The following OLFML2A variants were observed in gnomAD, a reference collection of about 807,000 sequenced individuals.
The protein encoded by OLFML2A is olfactomedin-like protein 2A.
A neutral mutation model predicts 60.9 loss-of-function variants in OLFML2A; 47 were observed. The ratio of observed to expected loss-of-function variants is 0.77; its 90% confidence interval spans 0.61 to 0.98. OLFML2A has a LOEUF of 0.98. OLFML2A is among the 50% of genes least tolerant of loss of function. The pLI, the probability that OLFML2A is intolerant of heterozygous loss-of-function variation, is 0.00. For synonymous variants in OLFML2A, 372 were observed against 375.0 expected (o/e 0.99, Z 0.09); for missense variants, 922 against 879.8 (o/e 1.05, Z -0.61).
Position 124,799,294 on chromosome 9 carries a change from G to A in OLFML2A, c.472G>A (p.Ala158Thr), listed in dbSNP as rs1367861908. 3.7e-6 allele frequency: 6 copies of A among 1,610,594 alleles called. No homozygotes were observed. The African/African-American group carries it at 6.7e-5, about 18-fold the overall frequency. ...QMNTLEESIKANLSRENEVVK... is the reference protein window; with the variant it reads ...QMNTLEESIKTNLSRENEVVK... ...CCTGCCCCCTCCGCAGAGCATCAAG[G>A]CCAACCTGAGCCGGGAGAATGAGGT... Residue 158 changes from alanine (A) to threonine (T), a missense_variant, in exon 4 of 8, where the codon GCC (alanine) becomes ACC (threonine). Coordinates refer to ENST00000373580, the MANE Select transcript of OLFML2A (RefSeq NM_182487.4).
At chr9:124,800,819 T>A in intron 4 of OLFML2A, 3 of 1,358,344 alleles carry the variant, frequency 2.2e-6, no homozygotes, top group Non-Finnish European at 2.9e-6. Flanking sequence ...CAAGCCAGCA[T>A]CGGAGGCATT....
chr9:124,782,011 G>A (rs909969572), intron 1 of OLFML2A, among the ~76,000 whole-genome samples: 1 of 152,216 alleles, frequency 6.6e-6, no homozygotes, highest in Non-Finnish European at 1.5e-5. Context: ...TGTGTGTGCT[G>A]AGCAAGGCTG....
chr9:124,778,152 G>A (rs1438317421), intron 1 of OLFML2A, among the ~76,000 whole-genome samples: 2 of 151,976 alleles, frequency 1.3e-5, no homozygotes, highest in Non-Finnish European at 2.9e-5. Context: ...AAGGTCAGGA[G>A]ATCGAGACCA....
Position 124,777,443 on chromosome 9 carries a change from G to A in OLFML2A, c.90+83G>A. ...TGTGGCTGGGGTGCGGCCCGGGAGG[G>A]AGCCCGGGGCCAGGGCGGAGGAGCC... On this transcript the variant is annotated intron_variant, in intron 1 of 7. Transcript: ENST00000373580. This position sits in a 1 kb window ranked among gnomAD's most constrained non-coding sequence, Gnocchi z 6.2. The A allele has an allele frequency of 8.4e-7, 1 of 1,194,892 alleles. No individual in the cohort carries two copies. 74.0% of individuals were successfully genotyped at this position (1,194,892 alleles called of 1,614,324 possible).
chr9:124,795,496 T>C (rs1156360542), intron 3 of OLFML2A, among the ~76,000 whole-genome samples: 2 of 152,250 alleles, frequency 1.3e-5, no homozygotes, highest in African/African-American at 4.8e-5. Flanking sequence ...GGTGGCTCAG[T>C]GGCCTGGCGC....
chr9:124,791,080 C>T (rs958704365), intron 2 of OLFML2A, among the ~76,000 whole-genome samples: 1 of 152,190 alleles, frequency 6.6e-6, no homozygotes, highest in Non-Finnish European at 1.5e-5. Flanking sequence ...CTCGAGGAGT[C>T]CCCAGGCTTG....
At chr9:124,785,313 T>A (rs954956517) in intron 1 of OLFML2A, among the ~76,000 whole-genome samples, 5 of 151,894 alleles carry the variant, frequency 3.3e-5, no homozygotes, top group Non-Finnish European at 7.4e-5. Context: ...TTGGGTTGTT[T>A]CTACCTTGTG....
chr9:124,784,104 G>A (rs1248133156), intron 1 of OLFML2A, among the ~76,000 whole-genome samples: 1 of 152,186 alleles, frequency 6.6e-6, no homozygotes, highest in African/African-American at 2.4e-5. Context: ...GCGGTTCAAG[G>A]GAGAGTATCA....
chr9:124,788,227 A>G (rs1318065788), intron 2 of OLFML2A, among the ~76,000 whole-genome samples: 1 of 151,814 alleles, frequency 6.6e-6, no homozygotes, highest in African/African-American at 2.4e-5. Context: ...ACTTGAACCC[A>G]GGAGGCAGAA....
rs755686037 is a variant in OLFML2A at position 124,810,122 on chromosome 9, G to A, written c.1669G>A (p.Asp557Asn). The change falls in exon 8 of 8, where the codon GAT (aspartate) becomes AAT (asparagine). Residue 557 changes from aspartate (D) to asparagine (N), a missense_variant. Physicochemically the swap from Asp to Asn is conservative, Grantham distance 23 (BLOSUM62 1). Transcript: ENST00000373580. ...CGTCCTGAGTCGCTTGGACCCCGGC[G>A]ATCTCTCCGTGCACCGGGAGACCAC... ...VIVLSRLDPG[D>N]LSVHRETTWK... is the part of the protein sequence containing the mutation. The A allele has an allele frequency of 3.3e-5, 54 of 1,613,672 alleles. No individual in the cohort carries two copies. In the South Asian group the frequency reaches 4.6e-4, roughly 14 times the overall value.
At position 124,777,512 on chromosome 9, in the gene OLFML2A, G is replaced by T. The variant is rs984548833; in HGVS notation, c.90+152G>T. ...CCTGGGACTTCTCAGCACTGAAGCC[G>T]CAGGGGCAGGGGCCCCGAGAGAGGG... On this transcript the variant is annotated intron_variant, in intron 1 of 7. Coordinates refer to ENST00000373580, the MANE Select transcript of OLFML2A (RefSeq NM_182487.4). This position sits in a 1 kb window ranked among gnomAD's most constrained non-coding sequence, Gnocchi z 6.2. 3.6e-6 allele frequency: 3 copies of T among 821,940 alleles called. No individual in the cohort carries two copies. In the Admixed American group the frequency reaches 1.3e-4, roughly 37 times the overall value. 50.9% of individuals were successfully genotyped at this position (821,940 alleles called of 1,614,324 possible).
At chr9:124,793,615 C>T (rs1223396865) in intron 2 of OLFML2A, among the ~76,000 whole-genome samples, 2 of 152,182 alleles carry the variant, frequency 1.3e-5, no homozygotes, top group Non-Finnish European at 2.9e-5. Context: ...TCACTTGCCC[C>T]CTCTGAACTG....
At position 124,811,301 on chromosome 9, in the gene OLFML2A, A is replaced by C. The variant is rs1044585642; in HGVS notation, c.*889A>C. ...CCAGAAGCACTGGCGTTGTTCACATAGTCAGGCCTTGGGTCCCCTCCCTGG... is the reference window on the plus strand; with the variant it reads ...CCAGAAGCACTGGCGTTGTTCACATCGTCAGGCCTTGGGTCCCCTCCCTGG... On this transcript the variant is annotated 3_prime_UTR_variant, in exon 8 of 8. Coordinates refer to ENST00000373580, the MANE Select transcript of OLFML2A (RefSeq NM_182487.4). 1.3e-5 allele frequency: 2 copies of C among 152,706 alleles called. No individual in the cohort carries two copies. Among genetic ancestry groups the C allele is most frequent in the African/African-American group, 4.8e-5 (2 of 41,458 alleles). The allele number at this position is 152,706 out of a possible 1,614,324, so 9.5% of individuals were successfully genotyped here.
chr9:124,799,953 G>A (rs984778026), intron 4 of OLFML2A, among the ~76,000 whole-genome samples: 2 of 152,286 alleles, frequency 1.3e-5, no homozygotes, highest in South Asian at 4.1e-4. Flanking sequence ...ACCCACCCTG[G>A]GGTACAGAAC....
rs984651051 is a variant in OLFML2A at position 124,813,786 on chromosome 9, G to A, written c.*3374G>A. ...GGTGAGGAAGGGAAAGGTTTTTCTT[G>A]TAGGGAACTGGAACCAGCCCACAAC... On this transcript the variant is annotated 3_prime_UTR_variant, in exon 8 of 8. Transcript: ENST00000373580. The A allele has an allele frequency of 6.6e-6, 1 of 151,518 alleles. No individual in the cohort carries two copies. The highest frequency in any genetic ancestry group is 2.4e-5 in the African/African-American group (1 of 41,436). 9.4% of individuals were successfully genotyped at this position (151,518 alleles called of 1,614,324 possible). A position where few individuals can be genotyped will look rare whatever the true frequency, so the allele number is the denominator to read the frequency against.
rs796228631 is a variant in OLFML2A, at chr9:124,809,600, C to CT, written c.1355-197dup. On this transcript the variant is annotated intron_variant, in intron 7 of 7. Coordinates refer to ENST00000373580, the MANE Select transcript of OLFML2A (RefSeq NM_182487.4). ...GCTGGGCGACCTTGATCCTCTGAGC[C>CT]TTTTTTTTTTTAAGCAGATGGGATG... Among the ~76,000 whole-genome samples the CT allele has an allele frequency of 3.0e-3, 434 of 146,834 alleles. 4 individuals are homozygous for CT. The highest frequency in any genetic ancestry group is 9.1e-3 in the African/African-American group (365 of 40,208).
At position 124,804,080 on chromosome 9, in the gene OLFML2A, T is replaced by G. The variant is rs749238729; in HGVS notation, c.920-14T>G. On this transcript the variant is annotated splice_polypyrimidine_tract_variant and intron_variant, in intron 5 of 7. Coordinates refer to ENST00000373580, the MANE Select transcript of OLFML2A (RefSeq NM_182487.4). ...TGGTGCTGAGATTTGAGCACAGGGG[T>G]CTTCTCTCTGCAGACAACACCCTCC... 6.2e-7 allele frequency: 1 copy of G among 1,612,462 alleles called. No homozygotes were observed. Among genetic ancestry groups the G allele is most frequent in the Non-Finnish European group, 8.5e-7 (1 of 1,179,228 alleles).
At chr9:124,778,865 C>A in intron 1 of OLFML2A, 1 of 539,528 alleles carries the variant, frequency 1.9e-6, no homozygotes, top group Non-Finnish European at 2.4e-6. Context: ...AGGACCAGAG[C>A]CCTGGTCACA....
intron 6 of OLFML2A, among the ~76,000 whole-genome samples, chr9:124,805,138 T>C (rs1841865152): frequency 6.6e-6 from 1 of 152,232 alleles, no homozygotes; most frequent in Admixed American, 6.5e-5. Flanking sequence ...ATAGTTTTGC[T>C]CTGTGTCTCA....
Sources: allele counts gnomAD v4.1 joint callset (sites outside exome capture counted in the v4.1 genomes callset), GRCh38; gene constraint gnomAD v4.1.1; non-coding constraint Gnocchi (gnomAD v3.1); transcripts MANE v1.5; gene names NCBI Gene and HGNC (gene_info 2026-07-23, HGNC 2026-07-21).